SBF2: variants seen among roughly 807,000 people sequenced by gnomAD.
The protein encoded by SBF2 is SET binding factor 2.
Under a neutral mutation model 225.2 loss-of-function variants are expected in SBF2, and 112 were observed. The observed-to-expected ratio is 0.50, with a 90% confidence interval of 0.43 to 0.58. The LOEUF (loss-of-function observed/expected upper bound fraction) is 0.58. Ranked by LOEUF, SBF2 falls within the 20% of genes least tolerant of loss-of-function variation. SBF2 has a pLI of 0.00. For missense variants in SBF2, 1,996 were observed against 2,206.2 expected (o/e 0.90, Z 1.91); for synonymous variants, 763 against 773.3 (o/e 0.99, Z 0.22).
At chr11:9,891,345 G>T (rs1362350004) in intron 17 of SBF2, among the ~76,000 whole-genome samples, 2 of 152,062 alleles carry the variant, frequency 1.3e-5, no homozygotes, top group African/African-American at 4.8e-5. Context: ...ATACACTCTG[G>T]CTCTGAATTT....
chr11:10,175,328 A>C (rs1325423224), intron 2 of SBF2, among the ~76,000 whole-genome samples: 1 of 151,478 alleles, frequency 6.6e-6, no homozygotes, highest in Non-Finnish European at 1.5e-5. Flanking sequence ...TCTACCAAGC[A>C]AATGGAAAAC....
rs534216681 is a variant in SBF2 at position 9,972,133 on chromosome 11, T to TAA, written c.1396-3589_1396-3588insTT. Among the ~76,000 whole-genome samples the TAA allele has an allele frequency of 1.0e-3, 156 of 152,272 alleles. 1 individual carries two copies. Among genetic ancestry groups the TAA allele is most frequent in the African/African-American group, 3.6e-3 (151 of 41,570 alleles). On this transcript the variant is annotated intron_variant, in intron 13 of 39. Coordinates refer to ENST00000256190, the MANE Select transcript of SBF2 (RefSeq NM_030962.4). ...TTACTAGTAGTGTGACCTGGTGCAG[T>TAA]GTCAATTCACTTACCCCATGTGTTG...
At chr11:10,124,712 C>G (rs1476944059) in intron 2 of SBF2, among the ~76,000 whole-genome samples, 2 of 152,074 alleles carry the variant, frequency 1.3e-5, no homozygotes, top group Non-Finnish European at 2.9e-5. Flanking sequence ...TTTAAAGCAC[C>G]TGGGCTTTCT....
intron 35 of SBF2, among the ~76,000 whole-genome samples, chr11:9,788,882 G>C (rs922681662): frequency 5.3e-5 from 8 of 151,832 alleles, no homozygotes; most frequent in African/African-American, 1.9e-4. Context: ...TGGGATTACA[G>C]GCGTGAGCCA....
rs141598107 is a variant in SBF2, at chr11:10,211,740, T to C, written c.56-17753A>G. Among the ~76,000 whole-genome samples, 100 of 152,282 alleles carry C rather than the reference T, an allele frequency of 6.6e-4. No individual in the cohort carries two copies. In the East Asian group the frequency reaches 0.017, roughly 26 times the overall value. Reference sequence around the variant, plus strand: ...AATACTGACCTAACCATGGAGGCAATATGATGACGGTGTACTATACTGCTG... The same window carrying C: ...AATACTGACCTAACCATGGAGGCAACATGATGACGGTGTACTATACTGCTG... On this transcript the variant is annotated intron_variant, in intron 1 of 39. Coordinates refer to ENST00000256190, the MANE Select transcript of SBF2 (RefSeq NM_030962.4).
intron 38 of SBF2, among the ~76,000 whole-genome samples, chr11:9,782,785 G>T (rs1381295377): frequency 6.6e-6 from 1 of 151,844 alleles, no homozygotes; most frequent in African/African-American, 2.4e-5. Flanking sequence ...CCAGAGAATG[G>T]CGAGAACCCA....
intron 16 of SBF2, among the ~76,000 whole-genome samples, chr11:9,936,022 C>T (rs1864871722): frequency 6.6e-6 from 1 of 152,046 alleles, no homozygotes; most frequent in Admixed American, 6.6e-5. Context: ...AATAGGCAAT[C>T]TACAGAATGG....
intron 2 of SBF2, among the ~76,000 whole-genome samples, chr11:10,085,496 G>A (rs926653713): frequency 2.0e-5 from 3 of 151,582 alleles, no homozygotes; most frequent in African/African-American, 7.3e-5. Context: ...GTTTCTAATT[G>A]GATTCTCTTC....
At position 10,013,272 on chromosome 11, in the gene SBF2, C is replaced by T. The variant is rs75649071; in HGVS notation, c.620-10583G>A. On this transcript the variant is annotated intron_variant, in intron 6 of 39. Transcript: ENST00000256190. ...TTCAATACTTTTACCGATAATGATG[C>T]CATGGGTTTTAGCCCTCCATCCCAA... Among the ~76,000 whole-genome samples, 25 of 152,286 alleles carry T rather than the reference C, an allele frequency of 1.6e-4. No individual in the cohort carries two copies. The East Asian group carries it at 4.8e-3, about 29-fold the overall frequency.
At chr11:10,218,379 G>C (rs1958213478) in intron 1 of SBF2, among the ~76,000 whole-genome samples, 1 of 121,564 alleles carries the variant, frequency 8.2e-6, no homozygotes, top group Non-Finnish European at 1.6e-5. Flanking sequence ...ATGACACGTG[G>C]GAATTATGGG....
chr11:9,812,805 G>C, intron 29 of SBF2, 97 bp from the exon 30 acceptor site: 1 of 1,250,466 alleles, frequency 8.0e-7, no homozygotes, highest in Non-Finnish European at 1.1e-6. Flanking sequence ...AGTTATTTGG[G>C]GCCAAATAGC....
chr11:9,953,356 T>A (rs181588344), intron 16 of SBF2, among the ~76,000 whole-genome samples: 1 of 151,950 alleles, frequency 6.6e-6, no homozygotes, highest in African/African-American at 2.4e-5. Context: ...AGGCAGAGAA[T>A]TGCTTAAACC....
chr11:9,864,876 A>G (rs1240256126), intron 17 of SBF2, among the ~76,000 whole-genome samples: 2 of 152,122 alleles, frequency 1.3e-5, no homozygotes, highest in East Asian at 3.9e-4. Flanking sequence ...GATATAATCT[A>G]AATTCTCCCA....
chr11:10,084,082 A>T (rs1474753207), intron 2 of SBF2, among the ~76,000 whole-genome samples: 1 of 152,232 alleles, frequency 6.6e-6, no homozygotes, highest in African/African-American at 2.4e-5. Flanking sequence ...AATGGCAGAA[A>T]ATGTTTGCAA....
chr11:9,906,933 C>T (rs1253481533), intron 16 of SBF2, among the ~76,000 whole-genome samples: 2 of 152,302 alleles, frequency 1.3e-5, no homozygotes, highest in Admixed American at 6.5e-5. Flanking sequence ...TACCTTTGAA[C>T]TGTTGTTGCC....
chr11:10,049,666 ACT>A (rs1755221285), intron 2 of SBF2, among the ~76,000 whole-genome samples: 1 of 151,998 alleles, frequency 6.6e-6, no homozygotes, highest in African/African-American at 2.4e-5. Flanking sequence ...ACCACATAAA[ACT>A]CTTTTAGAAT....
At chr11:10,016,851 A>T (rs1466591892) in intron 6 of SBF2, 3 of 152,218 alleles carry the variant, frequency 2.0e-5, no homozygotes, top group Admixed American at 2.0e-4. Flanking sequence ...CCTATGTAGC[A>T]GTGTTTGTTG....
intron 35 of SBF2, among the ~76,000 whole-genome samples, chr11:9,788,827 G>A (rs187225): frequency 6.7e-6 from 1 of 149,114 alleles, no homozygotes; most frequent in Admixed American, 6.7e-5. Flanking sequence ...GGATGGTCTC[G>A]ATCTCCTGAC....
chr11:10,132,743 G>A (rs1477280749), intron 2 of SBF2, among the ~76,000 whole-genome samples: 6 of 148,886 alleles, frequency 4.0e-5, no homozygotes, highest in African/African-American at 1.5e-4. Flanking sequence ...TGCCAATGCT[G>A]GCTCGGGCAG....
Sources: gnomAD v4.1 joint callset for allele counts (sites outside exome capture counted in the v4.1 genomes callset) on GRCh38, gnomAD v4.1.1 for gene constraint, MANE v1.5 for transcripts, NCBI Gene and HGNC (gene_info 2026-07-23, HGNC 2026-07-21) for gene names.